Variants in PDS5B observed in about 807,000 individuals in gnomAD.
PDS5B encodes PDS5 cohesin associated factor B, also known as sister chromatid cohesion protein PDS5 homolog B.
In PDS5B, 51 loss-of-function variants were observed where a neutral mutation model predicts 184.1. The observed-to-expected ratio is 0.28, with a 90% CI of 0.22 to 0.35. The LOEUF (loss-of-function observed/expected upper bound fraction) is 0.35, where lower values mean the gene tolerates loss of function less well. PDS5B is among the 10% of genes least tolerant of loss of function. The pLI is 1.00. For missense variants in PDS5B, 1,180 were observed against 1,723.3 expected (o/e 0.68, Z 5.58); for synonymous variants, 566 against 569.2 (o/e 0.99, Z 0.08).
At chr13:32,694,932 G>T (rs555756149) in intron 14 of PDS5B, among the ~76,000 whole-genome samples, 5 of 150,740 alleles carry the variant, frequency 3.3e-5, no homozygotes, top group Non-Finnish European at 7.4e-5. Flanking sequence ...ATTTTAAATT[G>T]CCTTCAGGGA....
chr13:32,638,141 G>C (rs780411947), intron 1 of PDS5B, among the ~76,000 whole-genome samples: 8 of 152,202 alleles, frequency 5.3e-5, no homozygotes, highest in Non-Finnish European at 1.0e-4. Flanking sequence ...CACTGGGATA[G>C]CTTGGACTTG....
intron 24 of PDS5B, among the ~76,000 whole-genome samples, chr13:32,749,123 G>A (rs972331880): frequency 2.0e-5 from 3 of 152,126 alleles, no homozygotes; most frequent in African/African-American, 7.2e-5. Flanking sequence ...CCAAATGTAC[G>A]CTTAAAAATC....
intron 1 of PDS5B, among the ~76,000 whole-genome samples, chr13:32,604,024 G>A (rs1218696690): frequency 6.6e-6 from 1 of 152,188 alleles, no homozygotes; most frequent in East Asian, 1.9e-4. Context: ...TCTGCAAGCA[G>A]GGACAATTTG....
intron 1 of PDS5B, among the ~76,000 whole-genome samples, chr13:32,627,633 A>G (rs1372703728): frequency 6.6e-6 from 1 of 152,238 alleles, no homozygotes; most frequent in East Asian, 1.9e-4. Context: ...AGAAAAATTA[A>G]TTTGCAAATT....
At chr13:32,774,413 G>GT (rs1954891267) in intron 34 of PDS5B, among the ~76,000 whole-genome samples, 1 of 152,204 alleles carries the variant, frequency 6.6e-6, no homozygotes, top group African/African-American at 2.4e-5. Flanking sequence ...GGACATCAAA[G>GT]TAAGTCTGAA....
intron 3 of PDS5B, among the ~76,000 whole-genome samples, chr13:32,654,252 T>A (rs1950441639): frequency 6.6e-6 from 1 of 152,208 alleles, no homozygotes; most frequent in South Asian, 2.1e-4. Flanking sequence ...ATATATTTTG[T>A]CTACAGTAGT....
At chr13:32,673,124 AAAT>A (rs1354483383) in intron 7 of PDS5B, 89 bp from the exon 8 acceptor site, 4 of 1,139,196 alleles carry the variant, frequency 3.5e-6, no homozygotes, top group African/African-American at 3.1e-5. Flanking sequence ...ACTTTGTATA[AAAT>A]AATGATGAAT....
chr13:32,696,054 G>A lies in PDS5B; in HGVS notation c.1552-800G>A, dbSNP rs1206682919. Among the ~76,000 whole-genome samples, 3 of 152,100 alleles carry A rather than the reference G, an allele frequency of 2.0e-5. No homozygotes were observed. In the East Asian group the frequency reaches 5.8e-4, roughly 29 times the overall value. ...CTTACATGTTTCTAGACAGCTGTTA[G>A]ATGCTTTAAATTCCAAATAGTTGGG... is the stretch of plus-strand genomic sequence containing the variant. On this transcript the variant is annotated intron_variant, in intron 14 of 34. Transcript: ENST00000315596.
At chr13:32,592,689 G>A (rs1452234513) in intron 1 of PDS5B, among the ~76,000 whole-genome samples, 1 of 152,132 alleles carries the variant, frequency 6.6e-6, no homozygotes, top group Non-Finnish European at 1.5e-5. Flanking sequence ...GAATTCGGAA[G>A]GTCACTGGCA....
At chr13:32,757,103 GCAAA>G (rs966710451) in intron 26 of PDS5B, among the ~76,000 whole-genome samples, 2 of 151,548 alleles carry the variant, frequency 1.3e-5, no homozygotes, top group African/African-American at 4.9e-5. Flanking sequence ...TCCATCCTGG[GCAAA>G]CAGAGTGAGA....
chr13:32,628,331 T>G (rs889642739), intron 1 of PDS5B, among the ~76,000 whole-genome samples: 6 of 152,138 alleles, frequency 3.9e-5, no homozygotes, highest in Admixed American at 3.3e-4. Flanking sequence ...CTATGGTGGG[T>G]GGATCACTTG....
chr13:32,623,684 A>C (rs1428778718), intron 1 of PDS5B, among the ~76,000 whole-genome samples: 1 of 149,252 alleles, frequency 6.7e-6, no homozygotes, highest in South Asian at 2.1e-4. Context: ...TTTTTGCCCT[A>C]TTTTTCCCTT....
intron 2 of PDS5B, chr13:32,650,718 G>A (rs140058585): frequency 6.6e-5 from 10 of 152,278 alleles, no homozygotes; most frequent in African/African-American, 2.2e-4. Context: ...GTCTACTGTT[G>A]GTTCTGGTAT....
intron 1 of PDS5B, among the ~76,000 whole-genome samples, chr13:32,625,474 G>A (rs538138644): frequency 6.6e-6 from 1 of 152,078 alleles, no homozygotes; most frequent in Non-Finnish European, 1.5e-5. Flanking sequence ...CTGTATTAAT[G>A]TTTAATTTTA....
intron 1 of PDS5B, among the ~76,000 whole-genome samples, chr13:32,631,019 C>G (rs1005685155): frequency 3.9e-5 from 6 of 152,050 alleles, no homozygotes; most frequent in African/African-American, 1.4e-4. Flanking sequence ...GTCTCGAACT[C>G]CTGTCTCAAG....
chr13:32,741,652 T>A (rs1953558054), intron 22 of PDS5B, among the ~76,000 whole-genome samples: 1 of 151,484 alleles, frequency 6.6e-6, no homozygotes, highest in Non-Finnish European at 1.5e-5. Flanking sequence ...ATACATACAT[T>A]AAATATTGTT....
intron 1 of PDS5B, among the ~76,000 whole-genome samples, chr13:32,637,856 A>G (rs928541604): frequency 2.6e-5 from 4 of 152,208 alleles, no homozygotes; most frequent in South Asian, 4.1e-4. Flanking sequence ...ATAGAGGTCA[A>G]CTGATGACTT....
At chr13:32,766,464 G>A (rs552746122) in intron 31 of PDS5B, among the ~76,000 whole-genome samples, 4 of 152,100 alleles carry the variant, frequency 2.6e-5, no homozygotes, top group Non-Finnish European at 5.9e-5. Flanking sequence ...AATGTGTAAC[G>A]TTAGGTCCAG....
intron 1 of PDS5B, among the ~76,000 whole-genome samples, chr13:32,603,828 TTTA>T (rs2140489851): frequency 6.6e-6 from 1 of 152,308 alleles, no homozygotes; most frequent in East Asian, 1.9e-4. Flanking sequence ...ACTTAGGTAT[TTTA>T]TTCTCTTTGA....
Sources: allele counts gnomAD v4.1 joint callset (sites outside exome capture counted in the v4.1 genomes callset), GRCh38; gene constraint gnomAD v4.1.1; transcripts MANE v1.5; gene names NCBI Gene and HGNC (gene_info 2026-07-23, HGNC 2026-07-21).